GNA14: variants seen among roughly 807,000 people sequenced by gnomAD.
GNA14 encodes the protein guanine nucleotide-binding protein subunit alpha-14.
A neutral mutation model predicts 42.0 loss-of-function variants in GNA14; 50 were observed. The observed-to-expected ratio is 1.19, with a 90% CI of 0.95 to 1.51. The LOEUF (loss-of-function observed/expected upper bound fraction) is 1.51. Ranked by LOEUF, GNA14 falls within the 40% of genes most tolerant of loss-of-function variation. GNA14 has a pLI of 0.00. For synonymous variants in GNA14, 173 were observed against 163.1 expected, an observed-to-expected ratio of 1.06 and a Z score of -0.46; for missense variants, 473 against 446.2, an observed-to-expected ratio of 1.06 and a Z score of -0.54.
intron 2 of GNA14, among the ~76,000 whole-genome samples, chr9:77,462,880 C>T (rs957355326): frequency 6.6e-6 from 1 of 152,154 alleles, no homozygotes; most frequent in Non-Finnish European, 1.5e-5. Context: ...TCCCCAGATG[C>T]CCAGTCACCA....
chr9:77,570,332 C>T (rs117649850), intron 1 of GNA14, among the ~76,000 whole-genome samples: 5,771 of 152,142 alleles, frequency 0.038, 116 homozygotes, highest in South Asian at 0.063. Flanking sequence ...CATTTTAGAA[C>T]ATCTTATCAT....
At chr9:77,615,381 T>C (rs570297761) in intron 1 of GNA14, among the ~76,000 whole-genome samples, 2 of 152,268 alleles carry the variant, frequency 1.3e-5, no homozygotes, top group Admixed American at 1.3e-4. Context: ...ACCTTCTTTC[T>C]TCTGATCAGG....
chr9:77,552,915 C>A (rs986500749), intron 1 of GNA14, among the ~76,000 whole-genome samples: 7 of 152,182 alleles, frequency 4.6e-5, no homozygotes, highest in African/African-American at 1.7e-4. Flanking sequence ...CACTGTACTG[C>A]AGGCTGCCAG....
chr9:77,509,844 C>T (rs1005918056), intron 2 of GNA14, among the ~76,000 whole-genome samples: 2 of 152,166 alleles, frequency 1.3e-5, no homozygotes, highest in Non-Finnish European at 2.9e-5. Flanking sequence ...ACCAAATTAT[C>T]CCAGTGATCA....
At chr9:77,515,472 A>G (rs1837237566) in intron 2 of GNA14, among the ~76,000 whole-genome samples, 3 of 152,252 alleles carry the variant, frequency 2.0e-5, no homozygotes, top group Non-Finnish European at 4.4e-5. Context: ...AAGGCTTGCA[A>G]AAATAGTAAA....
intron 1 of GNA14, among the ~76,000 whole-genome samples, chr9:77,624,316 T>C (rs542408542): frequency 1.2e-4 from 19 of 152,278 alleles, no homozygotes; most frequent in East Asian, 1.2e-3. Flanking sequence ...ACAGAGCACC[T>C]GGGGGAAGGG....
intron 1 of GNA14, among the ~76,000 whole-genome samples, chr9:77,552,126 CAAAAAAAAAA>C (rs34493872): frequency 4.7e-5 from 4 of 85,092 alleles, no homozygotes; most frequent in Non-Finnish European, 9.4e-5. Context: ...AACTCCATCT[CAAAAAAAAAA>C]AAAAAAAAAA....
At chr9:77,534,926 T>C (rs937836470) in intron 1 of GNA14, among the ~76,000 whole-genome samples, 48 of 152,188 alleles carry the variant, frequency 3.2e-4, no homozygotes, top group African/African-American at 1.0e-3. Context: ...GATGAGTCTG[T>C]TGTGTATGCA....
At chr9:77,438,468 A>C (rs1274450397) in intron 2 of GNA14, among the ~76,000 whole-genome samples, 1 of 151,672 alleles carries the variant, frequency 6.6e-6, no homozygotes, top group Non-Finnish European at 1.5e-5. Flanking sequence ...GGGTTTCAAC[A>C]TGTTGGACAG....
intron 1 of GNA14, among the ~76,000 whole-genome samples, chr9:77,589,889 A>G (rs1823365260): frequency 6.6e-6 from 1 of 152,158 alleles, no homozygotes; most frequent in South Asian, 2.1e-4. Flanking sequence ...CTTCTCCCCT[A>G]AAAGGATAAG....
chr9:77,578,925 AC>A (rs1441828900), intron 1 of GNA14, among the ~76,000 whole-genome samples: 2 of 152,178 alleles, frequency 1.3e-5, no homozygotes, highest in Non-Finnish European at 2.9e-5. Flanking sequence ...CATCCAAAAC[AC>A]AGACTTGTGG....
chr9:77,522,129 C>A (rs10869933), intron 2 of GNA14, among the ~76,000 whole-genome samples: 3 of 152,070 alleles, frequency 2.0e-5, no homozygotes, highest in Non-Finnish European at 4.4e-5. Flanking sequence ...GGCCCATATG[C>A]TATTTTTATT....
chr9:77,453,011 G>A (rs984654695), intron 2 of GNA14, among the ~76,000 whole-genome samples: 3 of 152,000 alleles, frequency 2.0e-5, no homozygotes, highest in Non-Finnish European at 2.9e-5. Context: ...GGTGGTGTGT[G>A]TACCTGCAGT....
chr9:77,424,092 C>CTT lies in GNA14; in HGVS notation c.953_954dup (p.Val319LysfsTer30). The CTT allele has an allele frequency of 6.2e-7, 1 of 1,612,534 alleles. No homozygotes were observed. The highest frequency in any genetic ancestry group is 8.5e-7 in the Non-Finnish European group (1 of 1,178,878). On this transcript the variant is annotated frameshift_variant, in exon 7 of 7. Transcript: ENST00000341700. LOFTEE classifies it high-confidence loss of function. ...GCACATGTGAAGTGAGAGTAGATGA[C>CTT]TTTCTCTTTGTCAGGATTCTGATCT...
At chr9:77,526,003 T>G (rs943538393) in intron 2 of GNA14, among the ~76,000 whole-genome samples, 22 of 150,688 alleles carry the variant, frequency 1.5e-4, no homozygotes, top group African/African-American at 5.4e-4. Context: ...ACAGACTCAA[T>G]GGATCCTCCC....
intron 1 of GNA14, among the ~76,000 whole-genome samples, chr9:77,549,490 G>C (rs907944860): frequency 6.6e-6 from 1 of 152,088 alleles, no homozygotes; most frequent in Non-Finnish European, 1.5e-5. Flanking sequence ...TCACTGAAGG[G>C]CCAGCCATTT....
chr9:77,450,514 C>T (rs1835886613), intron 2 of GNA14, among the ~76,000 whole-genome samples: 1 of 152,132 alleles, frequency 6.6e-6, no homozygotes, highest in South Asian at 2.1e-4. Flanking sequence ...CTTGTCACCT[C>T]CAAATCAAAC....
intron 2 of GNA14, among the ~76,000 whole-genome samples, chr9:77,452,577 C>T (rs1287153067): frequency 0.061 from 187 of 3,086 alleles, no homozygotes; most frequent in East Asian, 0.08. Context: ...TGTGTATGTG[C>T]ATGTGTATGT....
Position 77,431,461 on chromosome 9 carries a change from A to T in GNA14, c.465-12T>A, listed in dbSNP as rs902103114. On this transcript the variant is annotated splice_polypyrimidine_tract_variant and intron_variant, in intron 3 of 6. Coordinates refer to ENST00000341700, the MANE Select transcript of GNA14 (RefSeq NM_004297.4). Reference sequence around the variant, plus strand: ...TGTCAGTCAGGTAACTGTATATTAGAGAACGAGGAACTGACTCTCCTTTTA... The same window carrying T: ...TGTCAGTCAGGTAACTGTATATTAGTGAACGAGGAACTGACTCTCCTTTTA... The T allele has an allele frequency of 6.3e-7, 1 of 1,590,850 alleles. No homozygotes were observed. Among genetic ancestry groups the T allele is most frequent in the African/African-American group, 1.3e-5 (1 of 74,542 alleles).
Sources: allele counts gnomAD v4.1 joint callset (sites outside exome capture counted in the v4.1 genomes callset), GRCh38; gene constraint gnomAD v4.1.1; transcripts MANE v1.5; gene names NCBI Gene and HGNC (gene_info 2026-07-23, HGNC 2026-07-21).